The following MCF2 variants were observed in gnomAD, a reference collection of about 807,000 sequenced individuals.
MCF2 encodes MCF.2 cell line derived transforming sequence, also known as proto-oncogene DBL.
Under a neutral mutation model 82.5 loss-of-function variants are expected in MCF2, and 44 were observed. The observed-to-expected ratio is 0.53, with a 90% CI of 0.42 to 0.69. The LOEUF (loss-of-function observed/expected upper bound fraction) is 0.69. Among genes scored for constraint, MCF2 ranks in the 30% least tolerant of loss-of-function variants. The pLI, the probability that MCF2 is intolerant of heterozygous loss-of-function variation, is 0.00. For synonymous variants in MCF2, 217 were observed against 224.9 expected (o/e 0.96, Z 0.32); for missense variants, 623 against 663.1 (o/e 0.94, Z 0.66).
At chrX:139,582,775 G>GA (rs891312816) in intron 24 of MCF2, among the ~76,000 whole-genome samples, 17 of 109,502 alleles carry the variant, frequency 1.6e-4, no homozygotes, top group East Asian at 2.9e-4. Context: ...ACCATAGCTA[G>GA]AAAAAAAAAT....
chrX:139,613,332 T>C (rs1931641195), intron 10 of MCF2, 69 bp from the exon 14 acceptor site: 1 of 824,396 alleles, frequency 1.2e-6, no homozygotes, highest in South Asian at 2.5e-5. Flanking sequence ...CAAAACAAAA[T>C]GTGCTAATGA....
chrX:139,646,350 C>A (rs190704017), upstream of MCF2, among the ~76,000 whole-genome samples: 196 of 111,602 alleles, frequency 1.8e-3, no homozygotes, highest in African/African-American at 5.9e-3. Context: ...CATTCTAGTT[C>A]CAAATAATTT....
At chrX:139,635,800 T>C (rs1461714998) in intron 1 of MCF2, among the ~76,000 whole-genome samples, 1 of 111,358 alleles carries the variant, frequency 9.0e-6, no homozygotes, top group Non-Finnish European at 1.9e-5. Flanking sequence ...TGGGGGTTGT[T>C]GTACATATTA....
Position 139,655,477 on chromosome X carries a change from G to A in MCF2, c.-44-3689C>T, listed in dbSNP as rs145447468. Among the ~76,000 whole-genome samples the A allele has an allele frequency of 9.9e-3, 1,101 of 111,510 alleles. 12 individuals carry two copies. The highest frequency in any genetic ancestry group is 0.034 in the African/African-American group (1,031 of 30,692). ...CTACTGACTTTTGTACGTTGATTTC[G>A]TATTCTGCACCTTTACTGAATTTGT... On this transcript the variant is annotated intron_variant, in intron 1 of 27. Transcript: ENST00000414978.
intron 1 of MCF2, among the ~76,000 whole-genome samples, chrX:139,678,904 T>A: frequency 8.9e-6 from 1 of 112,680 alleles, no homozygotes. Context: ...GGTTTACTTT[T>A]CATTTTTCAC....
rs185511343 is a variant in MCF2, at chrX:139,697,420, A to G, written c.-45+10686T>C. ...CTAGATTTTTCAGTTACATAGATCAATAAATTTTCTTTTGTGCTTAAACTA... is the reference window on the plus strand; with the variant it reads ...CTAGATTTTTCAGTTACATAGATCAGTAAATTTTCTTTTGTGCTTAAACTA... On this transcript the variant is annotated intron_variant, in intron 1 of 27. Coordinates refer to the MCF2 transcript ENST00000414978. Among the ~76,000 whole-genome samples the G allele has an allele frequency of 9.7e-3, 1,093 of 112,193 alleles. 17 individuals are homozygous for G. The highest frequency in any genetic ancestry group is 0.033 in the African/African-American group (1,028 of 30,880).
At chrX:139,610,790 A>G (rs1931437592) in intron 10 of MCF2, among the ~76,000 whole-genome samples, 1 of 111,675 alleles carries the variant, frequency 9.0e-6, no homozygotes, top group Non-Finnish European at 1.9e-5. Context: ...AGCTATGCAT[A>G]TATCTTCTTT....
rs112477496 is a variant in MCF2 at position 139,670,920 on chromosome X, C to G, written c.-44-19132G>C. Among the ~76,000 whole-genome samples the G allele has an allele frequency of 3.1e-3, 349 of 111,775 alleles. 2 individuals are homozygous for G. The highest frequency in any genetic ancestry group is 0.011 in the African/African-American group (340 of 30,762). ...TCCACAATGGTTGAAGTAGTTTACACTCCCACCAACAGTGTAAAAGTGTTC... is the reference window on the plus strand; with the variant it reads ...TCCACAATGGTTGAAGTAGTTTACAGTCCCACCAACAGTGTAAAAGTGTTC... On this transcript the variant is annotated intron_variant, in intron 1 of 27. Transcript: ENST00000414978.
intron 4 of MCF2, among the ~76,000 whole-genome samples, chrX:139,627,232 C>G (rs1444556902): frequency 8.9e-6 from 1 of 112,158 alleles, no homozygotes; most frequent in African/African-American, 3.2e-5. Flanking sequence ...GCACCTGGCA[C>G]TGTTCTGCTA....
chrX:139,606,547 C>T (rs749422659), intron 12 of MCF2, among the ~76,000 whole-genome samples: 2 of 110,621 alleles, frequency 1.8e-5, no homozygotes, highest in East Asian at 2.9e-4. Context: ...TTGGTAGAGA[C>T]GGGGTTTCAC....
intron 6 of MCF2, among the ~76,000 whole-genome samples, chrX:139,622,021 A>T (rs1381373004): frequency 1.8e-5 from 2 of 111,756 alleles, no homozygotes; most frequent in African/African-American, 6.5e-5. Flanking sequence ...ATGAACTCAA[A>T]CAAATTTACA....
chrX:139,656,825 T>C (rs973546836), intron 1 of MCF2, among the ~76,000 whole-genome samples: 3 of 112,312 alleles, frequency 2.7e-5, no homozygotes, highest in Non-Finnish European at 5.6e-5. Context: ...TGCTGACCTT[T>C]TAAATGCATT....
chrX:139,634,146 G>C (rs1181826896), intron 1 of MCF2, among the ~76,000 whole-genome samples: 4 of 111,714 alleles, frequency 3.6e-5, no homozygotes, highest in Non-Finnish European at 7.5e-5. Flanking sequence ...AAGAAGTCTA[G>C]GCTAAAAGTG....
intron 10 of MCF2, among the ~76,000 whole-genome samples, chrX:139,612,174 C>T (rs765296788): frequency 9.1e-6 from 1 of 110,134 alleles, no homozygotes; most frequent in South Asian, 3.9e-4. Flanking sequence ...AGAGGTAGGG[C>T]ATAAGTGAGG....
chrX:139,605,246 C>T (rs1419402925), intron 13 of MCF2, among the ~76,000 whole-genome samples: 2 of 108,448 alleles, frequency 1.8e-5, no homozygotes, highest in African/African-American at 3.4e-5. Context: ...GCTCTTTGGC[C>T]TTCAGAGTAG....
intron 1 of MCF2, among the ~76,000 whole-genome samples, chrX:139,640,844 GA>G (rs768347787): frequency 9.3e-5 from 10 of 107,349 alleles, no homozygotes; most frequent in Admixed American, 5.0e-4. Context: ...TCATTTATGA[GA>G]AAAAAAAACA....
intron 1 of MCF2, among the ~76,000 whole-genome samples, chrX:139,704,169 T>C (rs1455852330): frequency 9.0e-6 from 1 of 111,727 alleles, no homozygotes; most frequent in Non-Finnish European, 1.9e-5. Flanking sequence ...TTTGGAACCA[T>C]TCACCTTGAG....
In MCF2 at chrX:139,637,077, T is replaced by C. The variant is rs190723840; in HGVS notation, c.52-4623A>G. On this transcript the variant is annotated intron_variant, in intron 1 of 24. Transcript: ENST00000370576. ...CATCAAAGGATGAAAACTTCATTTA[T>C]TGACTACATAATAACATTTACAATA... Among the ~76,000 whole-genome samples the C allele has an allele frequency of 3.2e-3, 364 of 112,176 alleles. 2 individuals carry two copies. The highest frequency in any genetic ancestry group is 5.4e-3 in the Non-Finnish European group (289 of 53,254).
intron 12 of MCF2, 129 bp downstream of exon 16, chrX:139,607,562 C>T: frequency 2.6e-6 from 1 of 389,538 alleles, no homozygotes; most frequent in Non-Finnish European, 4.3e-6. Context: ...GGCCTAAATC[C>T]TGGACTTCTG....
Sources: gnomAD v4.1 joint callset for allele counts (sites outside exome capture counted in the v4.1 genomes callset) on GRCh38, gnomAD v4.1.1 for gene constraint, MANE v1.5 for transcripts, NCBI Gene and HGNC (gene_info 2026-07-23, HGNC 2026-07-21) for gene names.